KCNQ5: variants seen among roughly 807,000 people sequenced by gnomAD.
The protein encoded by KCNQ5 is potassium voltage-gated channel subfamily Q member 5, also known as potassium voltage-gated channel subfamily KQT member 5.
KCNQ5 carries 30 observed loss-of-function variants against 98.2 expected under a neutral mutation model. That is an observed-to-expected ratio of 0.31 (90% CI 0.23 to 0.41). The LOEUF is 0.41. Among genes scored for constraint, KCNQ5 ranks in the 10% least tolerant of loss-of-function variants. The pLI is 1.00. For synonymous variants in KCNQ5, 458 were observed against 449.4 expected (o/e 1.02, Z -0.24); for missense variants, 835 against 1,182.5 (o/e 0.71, Z 4.31).
chr6:72,980,698 T>G (rs1768397234), intron 1 of KCNQ5, among the ~76,000 whole-genome samples: 1 of 152,240 alleles, frequency 6.6e-6, no homozygotes, highest in South Asian at 2.1e-4. Flanking sequence ...TGGCCAGAAC[T>G]TCCAACACTA....
intron 3 of KCNQ5, among the ~76,000 whole-genome samples, chr6:73,057,042 A>G (rs540808422): frequency 2.6e-5 from 4 of 152,212 alleles, no homozygotes; most frequent in Non-Finnish European, 4.4e-5. Flanking sequence ...TGTTTATTGC[A>G]GCACTATTCA....
At chr6:72,697,311 G>A (rs1565085805) in intron 1 of KCNQ5, among the ~76,000 whole-genome samples, 1 of 152,082 alleles carries the variant, frequency 6.6e-6, no homozygotes, top group Non-Finnish European at 1.5e-5. Flanking sequence ...ATTGAACTGT[G>A]GAAGGAGCAA....
chr6:72,902,002 G>A (rs191647185), intron 1 of KCNQ5, among the ~76,000 whole-genome samples: 6 of 152,170 alleles, frequency 3.9e-5, no homozygotes, highest in Admixed American at 3.3e-4. Flanking sequence ...TTTCATTTGT[G>A]TGTATCATCT....
intron 11 of KCNQ5, among the ~76,000 whole-genome samples, chr6:73,172,902 G>A (rs1277350095): frequency 3.9e-5 from 6 of 152,120 alleles, no homozygotes; most frequent in Non-Finnish European, 8.8e-5. Flanking sequence ...TGACAGTATG[G>A]AAAATAATAT....
At chr6:72,633,657 C>T (rs777327311) in intron 1 of KCNQ5, among the ~76,000 whole-genome samples, 13 of 152,160 alleles carry the variant, frequency 8.5e-5, no homozygotes, top group Non-Finnish European at 1.9e-4. Context: ...CTATACCAAA[C>T]AAAACAGTGT....
At chr6:73,007,371 A>G (rs1317184519) in intron 2 of KCNQ5, among the ~76,000 whole-genome samples, 2 of 152,184 alleles carry the variant, frequency 1.3e-5, no homozygotes, top group African/African-American at 2.4e-5. Context: ...TGCGACTTGG[A>G]AAATCACTCC....
intron 1 of KCNQ5, among the ~76,000 whole-genome samples, chr6:73,001,014 T>C (rs1769544651): frequency 6.6e-6 from 1 of 152,254 alleles, no homozygotes; most frequent in African/African-American, 2.4e-5. Flanking sequence ...GGCAAATAGT[T>C]TGCCTCATTC....
intron 1 of KCNQ5, among the ~76,000 whole-genome samples, chr6:72,658,161 C>G (rs1766290039): frequency 6.6e-6 from 1 of 151,998 alleles, no homozygotes; most frequent in Non-Finnish European, 1.5e-5. Context: ...AGAATAAATG[C>G]CCAGGAAGAC....
At chr6:72,821,999 G>A (rs145483859) in intron 1 of KCNQ5, among the ~76,000 whole-genome samples, 1 of 152,080 alleles carries the variant, frequency 6.6e-6, no homozygotes. Context: ...CATCCTCTCT[G>A]TGACTCTCAG....
At chr6:73,106,200 G>C (rs1321034370) in intron 6 of KCNQ5, among the ~76,000 whole-genome samples, 2 of 152,100 alleles carry the variant, frequency 1.3e-5, no homozygotes, top group Non-Finnish European at 2.9e-5. Context: ...AGGTGGTAGG[G>C]CTTCTCCTCT....
chr6:73,030,848 C>T (rs16883205), intron 2 of KCNQ5, among the ~76,000 whole-genome samples: 12,014 of 152,202 alleles, frequency 0.079, 533 homozygotes, highest in East Asian at 0.21. Flanking sequence ...CCATTTCTTC[C>T]GGGTTTTTCA....
intron 11 of KCNQ5, among the ~76,000 whole-genome samples, chr6:73,181,360 T>C (rs1163711878): frequency 6.6e-6 from 1 of 152,204 alleles, no homozygotes; most frequent in Non-Finnish European, 1.5e-5. Flanking sequence ...CAATCTACCC[T>C]CATGAAGAAA....
chr6:72,862,222 T>C (rs1421324494), intron 1 of KCNQ5, among the ~76,000 whole-genome samples: 1 of 152,188 alleles, frequency 6.6e-6, no homozygotes, highest in African/African-American at 2.4e-5. Context: ...GGGAGGGTCC[T>C]GTCATGGGCC....
intron 9 of KCNQ5, among the ~76,000 whole-genome samples, chr6:73,128,000 G>A (rs1208887932): frequency 6.6e-6 from 1 of 152,102 alleles, no homozygotes; most frequent in Non-Finnish European, 1.5e-5. Context: ...GGGAAGCAGA[G>A]GTTGCAGTGA....
intron 1 of KCNQ5, among the ~76,000 whole-genome samples, chr6:72,635,521 C>T (rs1480203958): frequency 6.6e-6 from 1 of 151,750 alleles, no homozygotes; most frequent in Non-Finnish European, 1.5e-5. Context: ...ATAATAAATA[C>T]TCATTTTCTT....
intron 5 of KCNQ5, among the ~76,000 whole-genome samples, chr6:73,092,116 T>C (rs1774280658): frequency 1.3e-5 from 2 of 151,556 alleles, no homozygotes; most frequent in African/African-American, 4.9e-5. Context: ...TTTCGTTTTG[T>C]TTTGTTTTTT....
intron 5 of KCNQ5, among the ~76,000 whole-genome samples, chr6:73,091,801 T>C (rs971255872): frequency 6.6e-6 from 1 of 152,136 alleles, no homozygotes; most frequent in African/African-American, 2.4e-5. Context: ...TAGTCCTTCT[T>C]TGGCTATGTG....
At chr6:72,901,597 A>T (rs1284512284) in intron 1 of KCNQ5, among the ~76,000 whole-genome samples, 1 of 152,152 alleles carries the variant, frequency 6.6e-6, no homozygotes, top group Non-Finnish European at 1.5e-5. Context: ...CCATTTGTTG[A>T]ATAGGGTGTC....
At chr6:72,722,659 T>C (rs1770031874) in intron 1 of KCNQ5, among the ~76,000 whole-genome samples, 2 of 152,158 alleles carry the variant, frequency 1.3e-5, no homozygotes, top group South Asian at 4.1e-4. Context: ...GGAGGCATTG[T>C]TCCTTCGGCA....
Sources: gnomAD v4.1 joint callset for allele counts (sites outside exome capture counted in the v4.1 genomes callset) on GRCh38, gnomAD v4.1.1 for gene constraint, MANE v1.5 for transcripts, NCBI Gene and HGNC (gene_info 2026-07-23, HGNC 2026-07-21) for gene names.